Variants in CFAP299 observed in about 807,000 individuals in gnomAD.
CFAP299 encodes the protein cilia- and flagella-associated protein 299.
CFAP299 carries 21 observed loss-of-function variants against 27.0 expected under a neutral mutation model. The ratio of observed to expected loss-of-function variants is 0.78; its 90% confidence interval spans 0.55 to 1.12. The LOEUF (loss-of-function observed/expected upper bound fraction) is 1.12, where lower values mean the gene tolerates loss of function less well. CFAP299 is among the 50% of genes most tolerant of loss of function. The probability of loss-of-function intolerance (pLI) is 0.00; values close to 1 mark genes in which losing one functional copy is unlikely to be tolerated. For missense variants in CFAP299, 310 were observed against 276.6 expected (o/e 1.12, Z -0.86); for synonymous variants, 104 against 98.1 (o/e 1.06, Z -0.36).
chr4:80,620,363 T>A (rs1738521309), intron 3 of CFAP299, among the ~76,000 whole-genome samples: 1 of 152,098 alleles, frequency 6.6e-6, no homozygotes, highest in African/African-American at 2.4e-5. Flanking sequence ...CAGAGAAGAA[T>A]GAAAAGAGCA....
At position 80,372,389 on chromosome 4, in the gene CFAP299, C is replaced by T. The variant is rs1260962729; in HGVS notation, c.242+9505C>T. Reference sequence around the variant, plus strand: ...AAACCATACGAATGGGTTCCCTGGTCGGGATGCAACTTTGTATTGGATTTG... The same window carrying T: ...AAACCATACGAATGGGTTCCCTGGTTGGGATGCAACTTTGTATTGGATTTG... On this transcript the variant is annotated intron_variant, in intron 2 of 5. Coordinates refer to ENST00000358105, the MANE Select transcript of CFAP299 (RefSeq NM_152770.3). 2.0e-5 allele frequency among the ~76,000 whole-genome samples: 3 copies of T among 152,144 alleles called. 1 individual carries two copies. The highest frequency in any genetic ancestry group is 6.6e-5 in the Admixed American group (1 of 15,262).
At chr4:80,892,405 A>G (rs1478196089) in intron 4 of CFAP299, among the ~76,000 whole-genome samples, 3 of 152,328 alleles carry the variant, frequency 2.0e-5, no homozygotes, top group East Asian at 1.9e-4. Flanking sequence ...TGAAACTACT[A>G]TGAGAAAACA....
intron 3 of CFAP299, among the ~76,000 whole-genome samples, chr4:80,837,695 T>C (rs936242595): frequency 1.2e-4 from 18 of 152,226 alleles, no homozygotes; most frequent in African/African-American, 3.6e-4. Flanking sequence ...TTGATGCACA[T>C]TTGGGTTGGT....
At chr4:80,619,911 T>C (rs1738486785) in intron 3 of CFAP299, among the ~76,000 whole-genome samples, 1 of 152,140 alleles carries the variant, frequency 6.6e-6, no homozygotes, top group Non-Finnish European at 1.5e-5. Flanking sequence ...GTGAAAATGA[T>C]GAAATAATCT....
intron 5 of CFAP299, among the ~76,000 whole-genome samples, chr4:80,949,274 T>C (rs1737640226): frequency 6.6e-6 from 1 of 152,238 alleles, no homozygotes; most frequent in South Asian, 2.1e-4. Context: ...TTAGTGTTTT[T>C]AGGGAAATAA....
intron 3 of CFAP299, among the ~76,000 whole-genome samples, chr4:80,797,369 G>T (rs999258865): frequency 6.6e-6 from 1 of 152,106 alleles, no homozygotes; most frequent in Non-Finnish European, 1.5e-5. Flanking sequence ...TTAGTCTTTT[G>T]TTCGTTTGAC....
chr4:80,563,669 A>T (rs11943752), intron 2 of CFAP299, among the ~76,000 whole-genome samples: 17,673 of 151,960 alleles, frequency 0.12, 1,187 homozygotes, highest in South Asian at 0.23. Context: ...CAAATCCAAA[A>T]TTAGTAGAAG....
chr4:80,661,325 CAAAA>C (rs760056982), intron 3 of CFAP299, among the ~76,000 whole-genome samples: 1 of 62,984 alleles, frequency 1.6e-5, no homozygotes. Context: ...AACTCCATCT[CAAAA>C]AAAAAAAAAA....
At chr4:80,788,191 C>T (rs1727353356) in intron 3 of CFAP299, among the ~76,000 whole-genome samples, 1 of 151,926 alleles carries the variant, frequency 6.6e-6, no homozygotes, top group Admixed American at 6.6e-5. Context: ...AGACTTTCCC[C>T]AACTCAAATG....
At chr4:80,559,005 G>T (rs1478339811) in intron 2 of CFAP299, among the ~76,000 whole-genome samples, 1 of 152,096 alleles carries the variant, frequency 6.6e-6, no homozygotes, top group Non-Finnish European at 1.5e-5. Flanking sequence ...CTCAGTGATT[G>T]ATAAAAATAT....
chr4:80,757,475 A>C (rs1410501035), intron 3 of CFAP299, among the ~76,000 whole-genome samples: 1 of 152,164 alleles, frequency 6.6e-6, no homozygotes, highest in Non-Finnish European at 1.5e-5. Context: ...TTATTTATCC[A>C]AAACATTTTC....
At chr4:80,685,628 T>G in intron 3 of CFAP299, among the ~76,000 whole-genome samples, 2 of 97,426 alleles carry the variant, frequency 2.1e-5, no homozygotes, top group African/African-American at 4.0e-5. Context: ...GTGTGTGGGG[T>G]GGGGGGTGGG....
At chr4:80,847,151 C>T (rs191563962) in intron 3 of CFAP299, among the ~76,000 whole-genome samples, 48 of 152,294 alleles carry the variant, frequency 3.2e-4, no homozygotes, top group Non-Finnish European at 4.4e-5. Flanking sequence ...ATCCCAGCAT[C>T]ATGACTGACA....
intron 2 of CFAP299, among the ~76,000 whole-genome samples, chr4:80,370,245 A>G (rs1422744293): frequency 2.0e-5 from 3 of 152,122 alleles, no homozygotes; most frequent in African/African-American, 7.2e-5. Context: ...ATCTGACCCC[A>G]TTATCCAATC....
chr4:80,504,468 T>TATATATAC (rs1731903617), intron 2 of CFAP299, among the ~76,000 whole-genome samples: 1 of 79,392 alleles, frequency 1.3e-5, no homozygotes, highest in Non-Finnish European at 2.5e-5. Flanking sequence ...CTCACATATA[T>TATATATAC]ATATATATAT....
intron 3 of CFAP299, among the ~76,000 whole-genome samples, chr4:80,820,180 T>G (rs1729627220): frequency 6.6e-6 from 1 of 152,184 alleles, no homozygotes; most frequent in Non-Finnish European, 1.5e-5. Flanking sequence ...AGTGCTATAA[T>G]TTTTCATGAT....
chr4:80,928,956 C>T (rs901436408), intron 4 of CFAP299, among the ~76,000 whole-genome samples: 1 of 152,074 alleles, frequency 6.6e-6, no homozygotes, highest in African/African-American at 2.4e-5. Flanking sequence ...TTCTCAGGAC[C>T]TTACACATTT....
intron 3 of CFAP299, among the ~76,000 whole-genome samples, chr4:80,736,073 C>T (rs1229850784): frequency 6.6e-6 from 1 of 152,050 alleles, no homozygotes; most frequent in East Asian, 1.9e-4. Context: ...TGAGCAGAAG[C>T]TCTTTAGTTT....
chr4:80,646,849 A>G (rs1019465612), intron 3 of CFAP299, among the ~76,000 whole-genome samples: 1 of 152,158 alleles, frequency 6.6e-6, no homozygotes, highest in African/African-American at 2.4e-5. Flanking sequence ...TAAATGCCAA[A>G]TGGATTAATA....
Sources: allele counts gnomAD v4.1 joint callset (sites outside exome capture counted in the v4.1 genomes callset), GRCh38; gene constraint gnomAD v4.1.1; transcripts MANE v1.5; gene names NCBI Gene and HGNC (gene_info 2026-07-23, HGNC 2026-07-21).